Variants in NRTN observed in about 807,000 individuals in gnomAD.
NRTN encodes the protein neurturin.
NRTN carries 3 observed loss-of-function variants against 7.5 expected under a neutral mutation model. The observed-to-expected ratio is 0.40, with a 90% CI of 0.18 to 1.03. NRTN has a LOEUF of 1.03. Among genes scored for constraint, NRTN ranks in the 50% least tolerant of loss-of-function variants. The probability of loss-of-function intolerance (pLI) is 0.34; values close to 1 mark genes in which losing one functional copy is unlikely to be tolerated. For missense variants in NRTN, 310 were observed against 307.0 expected, an observed-to-expected ratio of 1.01 and a Z score of -0.07; for synonymous variants, 157 against 146.6, an observed-to-expected ratio of 1.07 and a Z score of -0.51.
chr19:5,822,383 GCCGCCAGGCTCCACGCCGC>G (rs1198703951), intron 1 of NRTN, among the ~76,000 whole-genome samples: 1 of 152,204 alleles, frequency 6.6e-6, no homozygotes, highest in Non-Finnish European at 1.5e-5. Context: ...CACCTGGCCG[GCCGCCAGGCTCCACGCCGC>G]CCCACACTAG....
At chr19:5,817,483 G>T (rs2057008762) in intron 1 of NRTN, among the ~76,000 whole-genome samples, 1 of 129,032 alleles carries the variant, frequency 7.8e-6, no homozygotes, top group East Asian at 3.2e-4. Context: ...GGAAGGAAGG[G>T]AAAGAGAGAG....
rs371190406 is a variant in NRTN at position 5,815,596 on chromosome 19, C to T, written c.-398-8172C>T. On this transcript the variant is annotated intron_variant, in intron 1 of 2. Transcript: ENST00000303212. ...GATTACAGGCGTGCACTACCACACC[C>T]GGCTAATTTTTGTATTTTTAGTAGA... Among the ~76,000 whole-genome samples, 6 of 151,570 alleles carry T rather than the reference C, an allele frequency of 4.0e-5. No homozygotes were observed. The East Asian group carries it at 5.9e-4, about 15-fold the overall frequency.
chr19:5,811,245 G>A (rs2056989870), intron 1 of NRTN, among the ~76,000 whole-genome samples: 1 of 152,068 alleles, frequency 6.6e-6, no homozygotes, highest in Non-Finnish European at 1.5e-5. Flanking sequence ...GAAAAAAATA[G>A]AGGTTTTGCA....
chr19:5,818,013 G>T (rs937597283), intron 1 of NRTN, among the ~76,000 whole-genome samples: 7 of 151,698 alleles, frequency 4.6e-5, no homozygotes, highest in Admixed American at 1.3e-4. Context: ...GCTCAGGCTG[G>T]AGTGCAGTGG....
Position 5,823,779 on chromosome 19 carries a change from C to T in NRTN, c.-387C>T, listed in dbSNP as rs1599639183. The T allele has an allele frequency of 5.7e-6, 2 of 351,694 alleles. No individual in the cohort carries two copies. The highest frequency in any genetic ancestry group is 2.7e-5 in the South Asian group (1 of 36,656). 21.8% of individuals were successfully genotyped at this position (351,694 alleles called of 1,614,324 possible). On this transcript the variant is annotated 5_prime_UTR_variant, in exon 2 of 3. Coordinates refer to ENST00000303212, the MANE Select transcript of NRTN (RefSeq NM_004558.5). ...CCCTGGCTCCTCAGCTGCAGCCGCT[C>T]CGGCCTCCTTGCTGTTCCTGGGATA...
intron 1 of NRTN, among the ~76,000 whole-genome samples, chr19:5,822,936 A>G (rs896137996): frequency 6.6e-6 from 1 of 151,884 alleles, no homozygotes; most frequent in African/African-American, 2.4e-5. Flanking sequence ...AGGTGGGAGG[A>G]TCGCTTGAGC....
At chr19:5,815,981 G>C (rs1448600117) in intron 1 of NRTN, among the ~76,000 whole-genome samples, 3 of 152,120 alleles carry the variant, frequency 2.0e-5, no homozygotes, top group African/African-American at 7.2e-5. Context: ...CTGACTTCAA[G>C]TGATCCACCC....
chr19:5,817,200 A>G (rs2057007640), intron 1 of NRTN, among the ~76,000 whole-genome samples: 1 of 151,646 alleles, frequency 6.6e-6, no homozygotes, highest in South Asian at 2.1e-4. Flanking sequence ...AACAAAAACA[A>G]AAATATAGCG....
intron 2 of NRTN, among the ~76,000 whole-genome samples, chr19:5,826,443 G>A (rs539111910): frequency 2.6e-5 from 4 of 152,152 alleles, no homozygotes; most frequent in Admixed American, 2.6e-4. Context: ...TGCAAGTGGC[G>A]AAAGTGGCAG....
chr19:5,827,531 G>A (rs914993493), intron 2 of NRTN, among the ~76,000 whole-genome samples: 1 of 152,052 alleles, frequency 6.6e-6, no homozygotes, highest in Admixed American at 6.5e-5. Flanking sequence ...GCGTAGGGGT[G>A]TGAGTGTGTA....
At position 5,806,654 on chromosome 19, in the gene NRTN, G is replaced by A. The variant is rs549484711; in HGVS notation, c.-399+1203G>A. On this transcript the variant is annotated intron_variant, in intron 1 of 2. Transcript: ENST00000303212. The surrounding 1 kb of genome is among the most constrained non-coding windows in gnomAD (Gnocchi z 5.4). ...CTCCTCCCTTCATCCTAAGACTCCC[G>A]AGGTTCATAGCTCCGGCACCGACTC... 6.6e-6 allele frequency among the ~76,000 whole-genome samples: 1 copy of A among 152,100 alleles called. No individual in the cohort carries two copies. Among genetic ancestry groups the A allele is most frequent in the African/African-American group, 2.4e-5 (1 of 41,488 alleles).
intron 1 of NRTN, among the ~76,000 whole-genome samples, chr19:5,815,186 G>A (rs2057001198): frequency 2.0e-5 from 3 of 152,300 alleles, no homozygotes; most frequent in Non-Finnish European, 4.4e-5. Context: ...AGGGTCTTGG[G>A]GACCTTGGCC....
At chr19:5,821,823 C>T (rs1194235939) in intron 1 of NRTN, among the ~76,000 whole-genome samples, 1 of 152,152 alleles carries the variant, frequency 6.6e-6, no homozygotes, top group Non-Finnish European at 1.5e-5. Flanking sequence ...ACCACCAATA[C>T]CAAACAGTCT....
At chr19:5,824,931 G>A (rs569413543) in intron 2 of NRTN, among the ~76,000 whole-genome samples, 84 of 152,290 alleles carry the variant, frequency 5.5e-4, no homozygotes, top group Non-Finnish European at 7.1e-4. Flanking sequence ...TCTGCCCTGA[G>A]GTCCCGTGGG....
intron 1 of NRTN, among the ~76,000 whole-genome samples, chr19:5,819,854 A>G (rs1421723242): frequency 2.0e-5 from 3 of 150,968 alleles, no homozygotes; most frequent in Non-Finnish European, 1.5e-5. Flanking sequence ...TGTCTCAAGA[A>G]AGAAAAAAAA....
At position 5,815,427 on chromosome 19, in the gene NRTN, ATTTTTTTTTTT is replaced by A. The variant is rs754233565; in HGVS notation, c.-398-8330_-398-8320del. On this transcript the variant is annotated intron_variant, in intron 1 of 2. Transcript: ENST00000303212. ...GAAAGCACTCAAGTGTGTGAGTGTG[ATTTTTTTTTTT>A]TTTTTTTTTTGGAGACGAAGTCTCG... Among the ~76,000 whole-genome samples the A allele has an allele frequency of 5.0e-5, 6 of 120,082 alleles. No individual in the cohort carries two copies. In the South Asian group the frequency reaches 1.6e-3, roughly 32 times the overall value. The allele number at this position is 120,082 out of a possible 152,430, so 78.8% of individuals were successfully genotyped here.
chr19:5,819,433 G>A lies in NRTN; in HGVS notation c.-398-4335G>A, dbSNP rs144726938. Among the ~76,000 whole-genome samples, 1,307 of 152,262 alleles carry A rather than the reference G, an allele frequency of 8.6e-3. 23 individuals carry two copies. The highest frequency in any genetic ancestry group is 0.03 in the African/African-American group (1,255 of 41,538). ...TCCCAGCACTTGGGGAGGCCAAAGCGGGTGGATCACCTGAGGTCAGGAGTT... is the reference window on the plus strand; with the variant it reads ...TCCCAGCACTTGGGGAGGCCAAAGCAGGTGGATCACCTGAGGTCAGGAGTT... On this transcript the variant is annotated intron_variant, in intron 1 of 2. Transcript: ENST00000303212.
intron 1 of NRTN, among the ~76,000 whole-genome samples, chr19:5,817,433 GAGAA>G (rs1352336775): frequency 2.2e-4 from 30 of 138,350 alleles, no homozygotes; most frequent in South Asian, 2.0e-3. Context: ...GAGAGAAAGA[GAGAA>G]AGGAAGGAAG....
At chr19:5,810,384 A>G (rs1422920288) in intron 1 of NRTN, among the ~76,000 whole-genome samples, 2 of 151,450 alleles carry the variant, frequency 1.3e-5, no homozygotes, top group Non-Finnish European at 2.9e-5. Flanking sequence ...ACATGCTGTG[A>G]TTATAGGCAT....
Sources: allele counts gnomAD v4.1 joint callset (sites outside exome capture counted in the v4.1 genomes callset), GRCh38; gene constraint gnomAD v4.1.1; non-coding constraint Gnocchi (gnomAD v3.1); transcripts MANE v1.5; gene names NCBI Gene and HGNC (gene_info 2026-07-23, HGNC 2026-07-21).